Variants in CEP128 observed in about 807,000 individuals in gnomAD.
The protein encoded by CEP128 is centrosomal protein 128.
In CEP128, 132 loss-of-function variants were observed where a neutral mutation model predicts 156.7. The ratio of observed to expected loss-of-function variants is 0.84; its 90% confidence interval spans 0.73 to 0.97. CEP128 has a LOEUF of 0.97. Ranked by LOEUF, CEP128 falls within the 50% of genes least tolerant of loss-of-function variation. The pLI is 0.00. For missense variants in CEP128, 1,252 were observed against 1,281.9 expected, an observed-to-expected ratio of 0.98 and a Z score of 0.36; for synonymous variants, 469 against 448.9, an observed-to-expected ratio of 1.04 and a Z score of -0.57.
intron 19 of CEP128, among the ~76,000 whole-genome samples, chr14:80,689,455 C>G (rs1236829925): frequency 6.6e-6 from 1 of 152,022 alleles, no homozygotes; most frequent in Non-Finnish European, 1.5e-5. Flanking sequence ...ACAAAAGAAG[C>G]TGGAGACAAA....
At chr14:80,804,624 A>G (rs1202475781) in intron 13 of CEP128, among the ~76,000 whole-genome samples, 1 of 152,128 alleles carries the variant, frequency 6.6e-6, no homozygotes, top group African/African-American at 2.4e-5. Context: ...ACAGTGAGAA[A>G]AATAGCTGAC....
At chr14:80,810,741 C>T (rs1015088980) in intron 13 of CEP128, among the ~76,000 whole-genome samples, 2 of 152,048 alleles carry the variant, frequency 1.3e-5, no homozygotes, top group African/African-American at 4.8e-5. Context: ...TGGTAGAATT[C>T]CACAGTGAAC....
intron 19 of CEP128, among the ~76,000 whole-genome samples, chr14:80,598,242 A>C (rs61981698): frequency 0.16 from 23,901 of 151,972 alleles, 2,216 homozygotes; most frequent in East Asian, 0.2. Flanking sequence ...CACCTCAAAC[A>C]ACCAACAAGT....
intron 19 of CEP128, among the ~76,000 whole-genome samples, chr14:80,590,760 T>G (rs551080706): frequency 6.6e-6 from 1 of 152,090 alleles, no homozygotes; most frequent in Non-Finnish European, 1.5e-5. Context: ...ATATCTTATG[T>G]GCTCCTAAAA....
chr14:80,855,452 T>C (rs1595502104), intron 9 of CEP128, among the ~76,000 whole-genome samples: 1 of 152,072 alleles, frequency 6.6e-6, no homozygotes, highest in Non-Finnish European at 1.5e-5. Flanking sequence ...AATACGAGAG[T>C]GATTTTAATG....
chr14:80,780,781 A>G (rs1901065062), intron 15 of CEP128, among the ~76,000 whole-genome samples: 2 of 152,222 alleles, frequency 1.3e-5, no homozygotes, highest in South Asian at 4.1e-4. Context: ...CAACATTTCA[A>G]CTTATAGCCA....
chr14:80,822,657 C>CTG (rs1885252369), intron 13 of CEP128: 1 of 756,232 alleles, frequency 1.3e-6, no homozygotes, highest in South Asian at 1.3e-5. Flanking sequence ...AAAAAGGCCC[C>CTG]TGCAAAGAAG....
chr14:80,543,983 A>C (rs1015968478), intron 21 of CEP128, among the ~76,000 whole-genome samples: 1 of 152,170 alleles, frequency 6.6e-6, no homozygotes, highest in Non-Finnish European at 1.5e-5. Context: ...ATACTCCGAA[A>C]ATTAGGCAGG....
chr14:80,675,377 T>A (rs1896018597), intron 19 of CEP128, among the ~76,000 whole-genome samples: 1 of 152,106 alleles, frequency 6.6e-6, no homozygotes, highest in African/African-American at 2.4e-5. Flanking sequence ...AGATGTTTTT[T>A]AAGAGAAGTC....
At chr14:80,921,358 G>A (rs578083807) in intron 2 of CEP128, among the ~76,000 whole-genome samples, 53 of 152,156 alleles carry the variant, frequency 3.5e-4, no homozygotes, top group African/African-American at 1.2e-3. Flanking sequence ...GAAGAGAGAC[G>A]AAATAAGTAT....
chr14:80,659,435 T>C (rs1895306417), intron 19 of CEP128, among the ~76,000 whole-genome samples: 1 of 152,300 alleles, frequency 6.6e-6, no homozygotes, highest in East Asian at 1.9e-4. Flanking sequence ...AAGGGCACCA[T>C]ATATATTTGT....
chr14:80,889,921 T>C (rs552322166), intron 8 of CEP128, among the ~76,000 whole-genome samples: 12 of 151,890 alleles, frequency 7.9e-5, no homozygotes, highest in African/African-American at 2.9e-4. Context: ...AACTTAAACA[T>C]ATTTACAAGA....
intron 2 of CEP128, among the ~76,000 whole-genome samples, chr14:80,931,421 T>A (rs1885458734): frequency 6.6e-6 from 1 of 152,214 alleles, no homozygotes; most frequent in African/African-American, 2.4e-5. Context: ...TCAGCCACAT[T>A]AAAGTACATG....
intron 2 of CEP128, among the ~76,000 whole-genome samples, chr14:80,923,074 C>G (rs1015994132): frequency 6.6e-6 from 1 of 152,230 alleles, no homozygotes; most frequent in African/African-American, 2.4e-5. Context: ...GAGAAAGTCT[C>G]TGGAATCTTA....
chr14:80,869,714 A>T (rs940196133), intron 8 of CEP128, among the ~76,000 whole-genome samples: 20 of 152,022 alleles, frequency 1.3e-4, no homozygotes, highest in Non-Finnish European at 4.4e-5. Context: ...GGTTTGTTAC[A>T]TAGGTAAACT....
chr14:80,582,503 C>T (rs17110815), intron 19 of CEP128, among the ~76,000 whole-genome samples: 15,567 of 151,980 alleles, frequency 0.1, 937 homozygotes, highest in East Asian at 0.18. Flanking sequence ...CTCCTCTAAA[C>T]TTTATGTCAT....
At chr14:80,509,389 T>C (rs1390856207) in intron 23 of CEP128, among the ~76,000 whole-genome samples, 5 of 152,206 alleles carry the variant, frequency 3.3e-5, no homozygotes, top group African/African-American at 1.2e-4. Context: ...CATTTCTCAA[T>C]GATCTTGAGC....
At chr14:80,704,544 G>A (rs1897175033) in intron 19 of CEP128, among the ~76,000 whole-genome samples, 1 of 151,868 alleles carries the variant, frequency 6.6e-6, no homozygotes, top group African/African-American at 2.4e-5. Flanking sequence ...CACCACATCT[G>A]TATGTTAACA....
intron 19 of CEP128, among the ~76,000 whole-genome samples, chr14:80,727,019 G>A (rs2139495333): frequency 6.6e-6 from 1 of 152,268 alleles, no homozygotes; most frequent in South Asian, 2.1e-4. Flanking sequence ...TGGAATTAGA[G>A]CTGTGGAAAA....
Sources: allele counts gnomAD v4.1 joint callset (sites outside exome capture counted in the v4.1 genomes callset), GRCh38; gene constraint gnomAD v4.1.1; transcripts MANE v1.5; gene names NCBI Gene and HGNC (gene_info 2026-07-23, HGNC 2026-07-21).